The following GDPD5 variants were observed in gnomAD, a reference collection of about 807,000 sequenced individuals.
GDPD5 encodes the protein glycerophosphodiester phosphodiesterase 2.
Under a neutral mutation model 75.1 loss-of-function variants are expected in GDPD5, and 48 were observed. That is an observed-to-expected ratio of 0.64 (90% confidence interval 0.51 to 0.81). GDPD5 has a LOEUF of 0.81. GDPD5 is among the 40% of genes least tolerant of loss of function. The pLI is 0.00. For missense variants in GDPD5, 706 were observed against 822.6 expected (o/e 0.86, Z 1.73); for synonymous variants, 336 against 339.0 (o/e 0.99, Z 0.10).
At chr11:75,497,156 A>T (rs1434229253) in intron 1 of GDPD5, among the ~76,000 whole-genome samples, 1 of 151,906 alleles carries the variant, frequency 6.6e-6, no homozygotes, top group Non-Finnish European at 1.5e-5. Flanking sequence ...TACTCTTACT[A>T]CCAAGCCAGT....
chr11:75,442,232 G>C lies in GDPD5; in HGVS notation c.1167+131C>G, dbSNP rs542403440. ...CCCATGATGACCCTGCCAGGGAAGT[G>C]AGCAGTGTGTGATCCCCATTTTACA... is the stretch of plus-strand genomic sequence containing the variant. On this transcript the variant is annotated intron_variant, in intron 12 of 16. Coordinates refer to ENST00000336898, the MANE Select transcript of GDPD5 (RefSeq NM_030792.8). The C allele has an allele frequency of 2.0e-4, 133 of 675,486 alleles. No homozygotes were observed. In the African/African-American group the frequency reaches 2.2e-3, roughly 11 times the overall value. The allele number at this position is 675,486 out of a possible 1,614,324, so 41.8% of individuals were successfully genotyped here. A position where few individuals can be genotyped will look rare whatever the true frequency, so the allele number is the denominator to read the frequency against.
chr11:75,483,556 C>T (rs923693239), intron 2 of GDPD5, among the ~76,000 whole-genome samples: 1 of 152,168 alleles, frequency 6.6e-6, no homozygotes, highest in Non-Finnish European at 1.5e-5. Context: ...TGGATTCTAG[C>T]CTGGTCACCC....
At chr11:75,510,294 A>G (rs941816974) in intron 1 of GDPD5, among the ~76,000 whole-genome samples, 6 of 152,172 alleles carry the variant, frequency 3.9e-5, no homozygotes, top group African/African-American at 1.4e-4. Flanking sequence ...GTAGGAAGGG[A>G]GGTGCCAGGT....
chr11:75,475,973 T>C (rs1422621095), intron 3 of GDPD5, among the ~76,000 whole-genome samples: 2 of 152,176 alleles, frequency 1.3e-5, no homozygotes, highest in Non-Finnish European at 2.9e-5. Context: ...CCTGACTCCA[T>C]GCCTATGACT....
chr11:75,448,575 G>C, intron 9 of GDPD5: 1 of 995,844 alleles, frequency 1.0e-6, no homozygotes, highest in Non-Finnish European at 1.2e-6. Context: ...TCCAACTCAC[G>C]TCGGTTCAGC....
At position 75,441,260 on chromosome 11, in the gene GDPD5, G is replaced by A. The variant is rs369900409; in HGVS notation, c.1376C>T (p.Pro459Leu). 16 of 1,614,036 alleles carry A rather than the reference G, an allele frequency of 9.9e-6. No homozygotes were observed. The African/African-American group carries it at 1.5e-4, about 15-fold the overall frequency. ...ACACCACAGCAGGGAGAAGAGCCAC[G>A]GTGCGTTGACTGTGTAGAGGTTCAC... ...LSVNLYTVNA[P>L]WLFSLLWCAG... The change falls in exon 14 of 17, where the codon CCG becomes CTG. Residue 459 changes from proline (P) to leucine (L), a missense_variant. Coordinates refer to ENST00000336898, the MANE Select transcript of GDPD5 (RefSeq NM_030792.8).
At chr11:75,460,085 G>C (rs977385572) in intron 4 of GDPD5, among the ~76,000 whole-genome samples, 2 of 151,758 alleles carry the variant, frequency 1.3e-5, no homozygotes, top group Non-Finnish European at 2.9e-5. Context: ...CATACCGTTG[G>C]GAAACTGAGG....
rs562499068 is a variant in GDPD5, at chr11:75,505,135, C to A, written c.-144-14815G>T. ...AGACTCCATCTCAGAAAAAAAAAAACAACAAAAAAAACCTCTCACTCTTGA... is the reference window on the plus strand; with the variant it reads ...AGACTCCATCTCAGAAAAAAAAAAAAAACAAAAAAAACCTCTCACTCTTGA... On this transcript the variant is annotated intron_variant, in intron 1 of 16. Coordinates refer to ENST00000336898, the MANE Select transcript of GDPD5 (RefSeq NM_030792.8). Among the ~76,000 whole-genome samples the A allele has an allele frequency of 1.5e-4, 22 of 148,882 alleles. No homozygotes were observed. In the East Asian group the frequency reaches 4.0e-3, roughly 27 times the overall value.
At chr11:75,522,284 G>A (rs979480821) in intron 1 of GDPD5, among the ~76,000 whole-genome samples, 15 of 152,192 alleles carry the variant, frequency 9.9e-5, no homozygotes, top group African/African-American at 3.4e-4. Flanking sequence ...GGCCTGATGG[G>A]ATCATGTGTC....
chr11:75,447,453 G>T (rs1456485081), intron 9 of GDPD5, among the ~76,000 whole-genome samples: 1 of 152,030 alleles, frequency 6.6e-6, no homozygotes, highest in Non-Finnish European at 1.5e-5. Context: ...TGGGTAAGAC[G>T]ATGCGATGCC....
chr11:75,497,714 G>C (rs1442440553), intron 1 of GDPD5, among the ~76,000 whole-genome samples: 1 of 152,192 alleles, frequency 6.6e-6, no homozygotes, highest in African/African-American at 2.4e-5. Context: ...GACCACTTCG[G>C]TGCCTGGCTC....
intron 11 of GDPD5, 108 bp from the exon 12 acceptor site, chr11:75,442,689 T>TG (rs1300379340): frequency 2.1e-6 from 2 of 966,992 alleles, no homozygotes; most frequent in East Asian, 5.2e-5. Context: ...CAGAGTCTGC[T>TG]GGGGTCAGGC....
chr11:75,442,592 C>G lies in GDPD5; in HGVS notation c.949-11G>C. Reference sequence around the variant, plus strand: ...CCAGAAGGGGTCAGTCTGGCAGGGACAGGGACACACACATGGCTGCATCAT... The same window carrying G: ...CCAGAAGGGGTCAGTCTGGCAGGGAGAGGGACACACACATGGCTGCATCAT... On this transcript the variant is annotated splice_polypyrimidine_tract_variant and intron_variant, in intron 11 of 16. Coordinates refer to ENST00000336898, the MANE Select transcript of GDPD5 (RefSeq NM_030792.8). The G allele has an allele frequency of 1.2e-6, 2 of 1,612,758 alleles. No homozygotes were observed. The highest frequency in any genetic ancestry group is 2.2e-5 in the South Asian group (2 of 91,046).
In GDPD5 at chr11:75,447,747, T is replaced by C. The variant is rs73494841; in HGVS notation, c.714+1230A>G. Reference sequence around the variant, plus strand: ...ATGGAGACAGGAGGGGCCATCGTTTTAAGCCCCTCAGAAGAGTTCCCCTGC... The same window carrying C: ...ATGGAGACAGGAGGGGCCATCGTTTCAAGCCCCTCAGAAGAGTTCCCCTGC... On this transcript the variant is annotated intron_variant, in intron 9 of 16. Transcript: ENST00000336898. Among the ~76,000 whole-genome samples the C allele has an allele frequency of 6.0e-3, 914 of 152,254 alleles. 10 individuals are homozygous for C. The highest frequency in any genetic ancestry group is 0.021 in the African/African-American group (860 of 41,536).
intron 2 of GDPD5, among the ~76,000 whole-genome samples, chr11:75,489,093 C>G (rs1950064102): frequency 6.6e-6 from 1 of 152,184 alleles, no homozygotes; most frequent in Non-Finnish European, 1.5e-5. Flanking sequence ...GCATCTTACA[C>G]CACACAACTG....
intron 10 of GDPD5, among the ~76,000 whole-genome samples, chr11:75,443,749 T>C (rs1224301127): frequency 6.6e-6 from 1 of 152,180 alleles, no homozygotes; most frequent in African/African-American, 2.4e-5. Flanking sequence ...CCCCAATCCT[T>C]GTCTACTCTA....
At chr11:75,495,688 C>G (rs1950195786) in intron 1 of GDPD5, among the ~76,000 whole-genome samples, 1 of 152,092 alleles carries the variant, frequency 6.6e-6, no homozygotes, top group African/African-American at 2.4e-5. Flanking sequence ...GAGGGAAAAT[C>G]AAATCTATTT....
intron 3 of GDPD5, among the ~76,000 whole-genome samples, chr11:75,474,640 G>A (rs1425713633): frequency 1.3e-5 from 2 of 152,180 alleles, no homozygotes; most frequent in East Asian, 1.9e-4. Flanking sequence ...TGGAAGAGGT[G>A]GGAATGTGTC....
chr11:75,500,067 C>T (rs971533914), intron 1 of GDPD5, among the ~76,000 whole-genome samples: 2 of 152,194 alleles, frequency 1.3e-5, no homozygotes, highest in South Asian at 2.1e-4. Context: ...CCTTCACCCT[C>T]AGCCCTCCAC....
Sources: gnomAD v4.1 joint callset for allele counts (sites outside exome capture counted in the v4.1 genomes callset) on GRCh38, gnomAD v4.1.1 for gene constraint, MANE v1.5 for transcripts, NCBI Gene and HGNC (gene_info 2026-07-23, HGNC 2026-07-21) for gene names.